The following TRAPPC10 variants were observed in gnomAD, a reference collection of about 807,000 sequenced individuals.
TRAPPC10 encodes trafficking protein particle complex subunit 10.
Under a neutral mutation model 125.5 loss-of-function variants are expected in TRAPPC10, and 23 were observed. The ratio of observed to expected loss-of-function variants is 0.18; its 90% CI spans 0.13 to 0.26. The LOEUF (loss-of-function observed/expected upper bound fraction) is 0.26, where lower values mean the gene tolerates loss of function less well. Ranked by LOEUF, TRAPPC10 falls within the 10% of genes least tolerant of loss-of-function variation. TRAPPC10 has a pLI of 1.00. For synonymous variants in TRAPPC10, 509 were observed against 518.0 expected (o/e 0.98, Z 0.24); for missense variants, 1,123 against 1,308.4 (o/e 0.86, Z 2.19).
intron 1 of TRAPPC10, among the ~76,000 whole-genome samples, chr21:44,016,906 CA>C (rs1950898881): frequency 1.3e-5 from 2 of 152,232 alleles, no homozygotes; most frequent in South Asian, 2.1e-4. Context: ...CTGCCCGCCT[CA>C]GCCTCCCAAA....
chr21:44,040,626 C>T (rs932240828), intron 3 of TRAPPC10, among the ~76,000 whole-genome samples: 9 of 152,092 alleles, frequency 5.9e-5, no homozygotes, highest in Non-Finnish European at 8.8e-5. Flanking sequence ...GTGTGAGCCA[C>T]GGTGCCTTAC....
chr21:44,076,488 A>G, intron 9 of TRAPPC10, 64 bp from the exon 10 acceptor site: 1 of 1,332,364 alleles, frequency 7.5e-7, no homozygotes, highest in Non-Finnish European at 1.1e-6. Flanking sequence ...GTGAAGGTGA[A>G]TGTAAAGTCA....
intron 13 of TRAPPC10, among the ~76,000 whole-genome samples, chr21:44,080,624 G>A (rs1432542283): frequency 1.3e-5 from 2 of 151,040 alleles, no homozygotes; most frequent in Admixed American, 6.6e-5. Context: ...CACAACCTCC[G>A]TCTCCCGGGT....
At chr21:44,079,378 A>C in intron 11 of TRAPPC10, 186 bp from the exon 12 acceptor site, 1 of 555,056 alleles carries the variant, frequency 1.8e-6, no homozygotes, top group South Asian at 2.9e-5. Context: ...CTGGGAGTCT[A>C]ATTATGTCGT....
At chr21:44,068,309 C>T (rs2838483) in intron 7 of TRAPPC10, among the ~76,000 whole-genome samples, 47,322 of 151,890 alleles carry the variant, frequency 0.31, 10,320 homozygotes, top group African/African-American at 0.62. Context: ...GCTGGTGGCG[C>T]GGGAGAGTGC....
chr21:44,065,570 C>T (rs2036384922), intron 7 of TRAPPC10, among the ~76,000 whole-genome samples: 1 of 152,200 alleles, frequency 6.6e-6, no homozygotes, highest in Non-Finnish European at 1.5e-5. Context: ...AAGGACGTGT[C>T]ACCCACTGAT....
chr21:44,039,484 C>T (rs538540373), intron 3 of TRAPPC10, among the ~76,000 whole-genome samples: 30 of 152,324 alleles, frequency 2.0e-4, no homozygotes, highest in Admixed American at 9.1e-4. Context: ...AGCCCTGGTT[C>T]CTCTGGCAGC....
chr21:44,029,194 A>G (rs983079772), intron 1 of TRAPPC10, among the ~76,000 whole-genome samples: 27 of 152,158 alleles, frequency 1.8e-4, no homozygotes, highest in Non-Finnish European at 2.5e-4. Context: ...TCCCGGGTTC[A>G]CACCATTCTC....
At chr21:44,014,508 C>T (rs961809668) in intron 1 of TRAPPC10, among the ~76,000 whole-genome samples, 1 of 151,788 alleles carries the variant, frequency 6.6e-6, no homozygotes, top group Non-Finnish European at 1.5e-5. Context: ...CGGGTTCAAG[C>T]GATTCTCCTT....
rs539490525 is a variant in TRAPPC10, at chr21:44,016,453, A to G, written c.67+3893A>G. ...GCTTGGAATTGAATTTCTCTGAACAATAATAGTACCCTCCCTCTAGGTGAT... is the reference window on the plus strand; with the variant it reads ...GCTTGGAATTGAATTTCTCTGAACAGTAATAGTACCCTCCCTCTAGGTGAT... On this transcript the variant is annotated intron_variant, in intron 1 of 22. Transcript: ENST00000291574. Among the ~76,000 whole-genome samples the G allele has an allele frequency of 3.7e-4, 57 of 152,270 alleles. No homozygotes were observed. In the South Asian group the frequency reaches 0.011, roughly 28 times the overall value.
At chr21:44,052,090 C>T (rs1054940668) in intron 3 of TRAPPC10, among the ~76,000 whole-genome samples, 190 bp from the exon 4 acceptor site, 5 of 152,192 alleles carry the variant, frequency 3.3e-5, no homozygotes, top group South Asian at 2.1e-4. Context: ...TGCCTGTGTG[C>T]GGCACTGAGA....
intron 1 of TRAPPC10, among the ~76,000 whole-genome samples, chr21:44,022,039 ATTTC>A (rs60745501): frequency 6.7e-6 from 1 of 148,908 alleles, no homozygotes. Context: ...CTTTTTAAAA[ATTTC>A]TTTCTTTTTT....
rs766847851 is a variant in TRAPPC10, at chr21:44,086,784, C to T, written c.2381-18C>T. On this transcript the variant is annotated intron_variant, in intron 15 of 22. Coordinates refer to ENST00000291574, the MANE Select transcript of TRAPPC10 (RefSeq NM_003274.5). ...TCCGGTTGGCAGCGGTGCTGAGCCA[C>T]GATCTCTTTTCCTTTAGATAGCCTT... 1.5e-5 allele frequency: 25 copies of T among 1,613,056 alleles called. No individual in the cohort carries two copies. The East Asian group carries it at 2.7e-4, about 17-fold the overall frequency.
intron 7 of TRAPPC10, among the ~76,000 whole-genome samples, chr21:44,068,788 G>C (rs2036641891): frequency 6.6e-6 from 1 of 151,854 alleles, no homozygotes; most frequent in South Asian, 2.1e-4. Flanking sequence ...TTTTGGCAGA[G>C]ATGGGGTTTC....
intron 8 of TRAPPC10, among the ~76,000 whole-genome samples, chr21:44,074,693 A>G (rs1341475127): frequency 6.6e-6 from 1 of 152,194 alleles, no homozygotes; most frequent in Non-Finnish European, 1.5e-5. Flanking sequence ...CTCCTGTGAA[A>G]TTGACTCTGT....
At chr21:44,023,631 A>G (rs930360061) in intron 1 of TRAPPC10, among the ~76,000 whole-genome samples, 2 of 152,198 alleles carry the variant, frequency 1.3e-5, no homozygotes, top group African/African-American at 4.8e-5. Flanking sequence ...ATCTGCACTT[A>G]GCAATTGCCA....
At chr21:44,084,554 T>G (rs138472872) in intron 15 of TRAPPC10, among the ~76,000 whole-genome samples, 2 of 152,218 alleles carry the variant, frequency 1.3e-5, no homozygotes, top group Non-Finnish European at 2.9e-5. Context: ...GGTATTTTTT[T>G]CTATTGGCTC....
rs1330060192 is a variant in TRAPPC10, at chr21:44,087,115, G to T, written c.2539+155G>T. ...ATAGGAGCCCTGCGGCCTGATGCCTGTGCTGGGGTCCCATCTGAGGTGATA... is the reference window on the plus strand; with the variant it reads ...ATAGGAGCCCTGCGGCCTGATGCCTTTGCTGGGGTCCCATCTGAGGTGATA... On this transcript the variant is annotated intron_variant, in intron 16 of 22. Transcript: ENST00000291574. This position sits in a 1 kb window ranked among gnomAD's most constrained non-coding sequence, Gnocchi z 4.6. Among the ~76,000 whole-genome samples the T allele has an allele frequency of 1.3e-5, 2 of 152,236 alleles. No individual in the cohort carries two copies. Among genetic ancestry groups the T allele is most frequent in the Non-Finnish European group, 2.9e-5 (2 of 68,038 alleles).
rs1211862836 is a variant in TRAPPC10 at position 44,012,960 on chromosome 21, C to T, written c.67+400C>T. Among the ~76,000 whole-genome samples, 2 of 152,190 alleles carry T rather than the reference C, an allele frequency of 1.3e-5. 1 individual carries two copies. Among genetic ancestry groups the T allele is most frequent in the South Asian group, 4.1e-4 (2 of 4,832 alleles). ...GCCGGGCGGTTTTGCCCGCGGGCGC[C>T]CTTTCCCCGACTACGGGGAAGTCCT... On this transcript the variant is annotated intron_variant, in intron 1 of 22. Transcript: ENST00000291574.
Sources: allele counts gnomAD v4.1 joint callset (sites outside exome capture counted in the v4.1 genomes callset), GRCh38; gene constraint gnomAD v4.1.1; non-coding constraint Gnocchi (gnomAD v3.1); transcripts MANE v1.5; gene names NCBI Gene and HGNC (gene_info 2026-07-23, HGNC 2026-07-21).